Variants in TBC1D32 observed in about 807,000 individuals in gnomAD.
The protein encoded by TBC1D32 is protein broad-minded.
In TBC1D32, 151 loss-of-function variants were observed where a neutral mutation model predicts 170.3. That is an observed-to-expected ratio of 0.89 (90% confidence interval 0.78 to 1.01). TBC1D32 has a LOEUF of 1.01. TBC1D32 is among the 50% of genes least tolerant of loss of function. The pLI is 0.00. For missense variants in TBC1D32, 1,464 were observed against 1,457.1 expected, an observed-to-expected ratio of 1.00 and a Z score of -0.08; for synonymous variants, 498 against 488.0, an observed-to-expected ratio of 1.02 and a Z score of -0.27.
At chr6:121,089,433 A>G (rs937051408) in intron 31 of TBC1D32, among the ~76,000 whole-genome samples, 1 of 152,178 alleles carries the variant, frequency 6.6e-6, no homozygotes, top group Non-Finnish European at 1.5e-5. Flanking sequence ...TGAAATTCCT[A>G]TAACTGACCA....
At chr6:121,317,701 G>C (rs1304448784) in intron 2 of TBC1D32, 29 bp from the exon 3 acceptor site, 6 of 1,474,718 alleles carry the variant, frequency 4.1e-6, no homozygotes, top group Non-Finnish European at 5.5e-6. Context: ...CTTAATAAGA[G>C]AAAGACGATC....
At chr6:121,249,313 C>T (rs957937517) in intron 17 of TBC1D32, among the ~76,000 whole-genome samples, 1 of 151,792 alleles carries the variant, frequency 6.6e-6, no homozygotes, top group African/African-American at 2.4e-5. Context: ...ACAGGACTTA[C>T]CTCAAAGTAA....
At chr6:121,138,403 G>C (rs371234811) in intron 24 of TBC1D32, among the ~76,000 whole-genome samples, 1 of 152,112 alleles carries the variant, frequency 6.6e-6, no homozygotes, top group East Asian at 1.9e-4. Context: ...ACTAGTAGAA[G>C]ATCTATTTTC....
chr6:121,299,156 G>A (rs1806086783), intron 10 of TBC1D32, among the ~76,000 whole-genome samples: 1 of 152,018 alleles, frequency 6.6e-6, no homozygotes. Flanking sequence ...CGAACTACAT[G>A]CTACTGCTTA....
chr6:121,096,283 A>C (rs1055327072), intron 30 of TBC1D32: 1 of 151,538 alleles, frequency 6.6e-6, no homozygotes, highest in Non-Finnish European at 1.5e-5. Flanking sequence ...GTGATACTGT[A>C]CATTTAGAAA....
In TBC1D32 at chr6:121,321,801, C is replaced by A. The variant is rs1809761935; in HGVS notation, c.156-7G>T. 1 of 1,598,160 alleles carries A rather than the reference C, an allele frequency of 6.3e-7. No individual in the cohort carries two copies. The highest frequency in any genetic ancestry group is 8.5e-7 in the Non-Finnish European group (1 of 1,173,420). ...GTATTTCACAAATTCATAGCTGAAA[C>A]AAATATTTAGAAAATAAATGCGGTA... On this transcript the variant is annotated splice_region_variant and splice_polypyrimidine_tract_variant and intron_variant, in intron 1 of 31. Coordinates refer to ENST00000398212, the MANE Select transcript of TBC1D32 (RefSeq NM_152730.6).
intron 30 of TBC1D32, among the ~76,000 whole-genome samples, chr6:121,103,298 G>A (rs185239438): frequency 1.4e-4 from 22 of 151,816 alleles, no homozygotes; most frequent in East Asian, 7.8e-4. Context: ...TGTTTATAGC[G>A]ACACTATTCA....
chr6:121,311,134 T>A (rs1466766217), intron 3 of TBC1D32, among the ~76,000 whole-genome samples: 1 of 152,128 alleles, frequency 6.6e-6, no homozygotes, highest in African/African-American at 2.4e-5. Flanking sequence ...GCCAAAATGC[T>A]GCATACTCAG....
intron 17 of TBC1D32, among the ~76,000 whole-genome samples, chr6:121,253,400 A>T (rs1409285048): frequency 6.6e-6 from 1 of 152,130 alleles, no homozygotes; most frequent in Non-Finnish European, 1.5e-5. Flanking sequence ...AAAACCACTT[A>T]TTCCCGCAAG....
At chr6:121,317,733 G>C (rs758509242) in intron 2 of TBC1D32, 61 bp from the exon 3 acceptor site, 5 of 1,208,892 alleles carry the variant, frequency 4.1e-6, no homozygotes, top group Admixed American at 2.9e-5. Context: ...CAGTCAACTA[G>C]TTAAATTATC....
intron 30 of TBC1D32, among the ~76,000 whole-genome samples, chr6:121,102,353 A>G (rs1390698652): frequency 6.6e-6 from 1 of 152,204 alleles, no homozygotes; most frequent in African/African-American, 2.4e-5. Flanking sequence ...ACAAGGCTAC[A>G]GTAACCAAAA....
chr6:121,235,968 T>C (rs1324738398), intron 20 of TBC1D32, among the ~76,000 whole-genome samples: 1 of 152,184 alleles, frequency 6.6e-6, no homozygotes, highest in Admixed American at 6.5e-5. Flanking sequence ...AAATCTGTAT[T>C]TTAATTAGAA....
At chr6:121,104,681 AG>A (rs1161665215) in intron 30 of TBC1D32, among the ~76,000 whole-genome samples, 8 of 151,814 alleles carry the variant, frequency 5.3e-5, no homozygotes, top group African/African-American at 1.9e-4. Context: ...AAATTGAAAC[AG>A]ATCTCAAACT....
At position 121,080,676 on chromosome 6, in the gene TBC1D32, A is replaced by G. The variant is rs1418595048; in HGVS notation, c.*95T>C. On this transcript the variant is annotated 3_prime_UTR_variant, in exon 32 of 32. Coordinates refer to ENST00000398212, the MANE Select transcript of TBC1D32 (RefSeq NM_152730.6). ...CAGTATTTACAATATGTATATTCAC[A>G]AAGTAAATGTTGTTACAGACACAGA... is the stretch of plus-strand genomic sequence containing the variant. The G allele has an allele frequency of 4.8e-6, 7 of 1,444,316 alleles. No homozygotes were observed. The highest frequency in any genetic ancestry group is 6.5e-6 in the Non-Finnish European group (7 of 1,076,222). The allele number at this position is 1,444,316 out of a possible 1,614,324, so 89.5% of individuals were successfully genotyped here. A position where few individuals can be genotyped will look rare whatever the true frequency, so the allele number is the denominator to read the frequency against.
intron 12 of TBC1D32, among the ~76,000 whole-genome samples, chr6:121,284,333 ATT>A (rs979238835): frequency 6.6e-6 from 1 of 152,098 alleles, no homozygotes; most frequent in Non-Finnish European, 1.5e-5. Context: ...CAGAGTAAAT[ATT>A]TTAGATTTTG....
chr6:121,187,662 T>G (rs1789374707), intron 22 of TBC1D32, among the ~76,000 whole-genome samples: 1 of 149,668 alleles, frequency 6.7e-6, no homozygotes, highest in Non-Finnish European at 1.5e-5. Flanking sequence ...GGTAATTGGA[T>G]CCCAGGTAAC....
At chr6:121,133,564 G>A (rs917602567) in intron 24 of TBC1D32, among the ~76,000 whole-genome samples, 1 of 151,936 alleles carries the variant, frequency 6.6e-6, no homozygotes, top group Admixed American at 6.6e-5. Context: ...GCTACGTATT[G>A]CTGCATGATC....
At chr6:121,094,904 G>C (rs915694287) in intron 30 of TBC1D32, among the ~76,000 whole-genome samples, 2 of 151,752 alleles carry the variant, frequency 1.3e-5, no homozygotes, top group African/African-American at 4.9e-5. Flanking sequence ...CTCGGTTAGA[G>C]CTCTACAAAT....
intron 24 of TBC1D32, among the ~76,000 whole-genome samples, chr6:121,137,455 C>G (rs1362468349): frequency 7.4e-6 from 1 of 135,718 alleles, no homozygotes; most frequent in East Asian, 2.3e-4. Flanking sequence ...GATTTATAGA[C>G]AACTATGAAA....
Sources: allele counts gnomAD v4.1 joint callset (sites outside exome capture counted in the v4.1 genomes callset), GRCh38; gene constraint gnomAD v4.1.1; transcripts MANE v1.5; gene names NCBI Gene and HGNC (gene_info 2026-07-23, HGNC 2026-07-21).